Variants in PTPRC observed in about 807,000 individuals in gnomAD.
PTPRC encodes protein tyrosine phosphatase receptor type C.
In PTPRC, 44 loss-of-function variants were observed where a neutral mutation model predicts 155.9. That is an observed-to-expected ratio of 0.28 (90% CI 0.22 to 0.36). The LOEUF (loss-of-function observed/expected upper bound fraction) is 0.36. PTPRC is among the 10% of genes least tolerant of loss of function. The pLI is 1.00. For missense variants in PTPRC, 1,401 were observed against 1,564.6 expected, an observed-to-expected ratio of 0.90 and a Z score of 1.76; for synonymous variants, 525 against 533.1, an observed-to-expected ratio of 0.98 and a Z score of 0.21.
At chr1:198,649,598 A>G (rs1663131707) in intron 2 of PTPRC, among the ~76,000 whole-genome samples, 1 of 151,858 alleles carries the variant, frequency 6.6e-6, no homozygotes, top group Non-Finnish European at 1.5e-5. Flanking sequence ...CAGTTTCATC[A>G]TTGGAGACTT....
intron 23 of PTPRC, among the ~76,000 whole-genome samples, chr1:198,740,951 T>TA (rs1654873409): frequency 6.6e-6 from 1 of 151,852 alleles, no homozygotes; most frequent in South Asian, 2.1e-4. Context: ...GAAACAGACT[T>TA]AGTCTATATA....
chr1:198,738,437 T>C (rs1311508298), intron 23 of PTPRC, among the ~76,000 whole-genome samples: 6 of 151,902 alleles, frequency 3.9e-5, no homozygotes, highest in Admixed American at 3.3e-4. Context: ...TCTGTTGATA[T>C]AATGTATCAC....
rs760814696 is a variant in PTPRC at position 198,752,791 on chromosome 1, A to C, written c.3509+19A>C. ...ACTGCAGGTGCGTGGGATTTGGTAG[A>C]ATGTGCTCTCAAAATCATAATGCTT... On this transcript the variant is annotated intron_variant, in intron 31 of 32. Coordinates refer to ENST00000442510, the MANE Select transcript of PTPRC (RefSeq NM_002838.5). The C allele has an allele frequency of 1.9e-6, 3 of 1,608,670 alleles. No homozygotes were observed. Among genetic ancestry groups the C allele is most frequent in the Admixed American group, 3.3e-5 (2 of 59,814 alleles).
In PTPRC at chr1:198,731,910, A is replaced by G. The variant is rs578255234; in HGVS notation, c.1974+184A>G. On this transcript the variant is annotated intron_variant, in intron 18 of 32. Transcript: ENST00000442510. ...GACTCATAGAGGTTGACGGGATTATAGTGTAGAGCTAGTAAATATTTTAAT... is the reference window on the plus strand; with the variant it reads ...GACTCATAGAGGTTGACGGGATTATGGTGTAGAGCTAGTAAATATTTTAAT... 3.9e-5 allele frequency among the ~76,000 whole-genome samples: 6 copies of G among 152,126 alleles called. No individual in the cohort carries two copies. The East Asian group carries it at 1.2e-3, about 29-fold the overall frequency.
intron 2 of PTPRC, among the ~76,000 whole-genome samples, chr1:198,668,198 G>A (rs1479031138): frequency 6.6e-6 from 1 of 152,084 alleles, no homozygotes; most frequent in Non-Finnish European, 1.5e-5. Flanking sequence ...GTGGTATCAT[G>A]GTGTGATGTC....
chr1:198,657,247 T>C (rs1156438918), intron 2 of PTPRC, among the ~76,000 whole-genome samples: 1 of 152,034 alleles, frequency 6.6e-6, no homozygotes, highest in Non-Finnish European at 1.5e-5. Flanking sequence ...TTTTTATGTT[T>C]ATAGTTGATA....
At chr1:198,747,970 GA>G in intron 26 of PTPRC, 138 bp from the exon 27 acceptor site, 1 of 1,320,478 alleles carries the variant, frequency 7.6e-7, no homozygotes, top group Non-Finnish European at 1.0e-6. Context: ...GAGGCAAACC[GA>G]AAAATTATGG....
In PTPRC at chr1:198,757,396, T is replaced by C. The variant is rs1343261020; in HGVS notation, c.*1215T>C. 2 of 151,308 alleles carry C rather than the reference T, an allele frequency of 1.3e-5. No individual in the cohort carries two copies. The highest frequency in any genetic ancestry group is 1.9e-4 in the East Asian group (1 of 5,168). 9.4% of individuals were successfully genotyped at this position (151,308 alleles called of 1,614,324 possible). A position where few individuals can be genotyped will look rare whatever the true frequency, so the allele number is the denominator to read the frequency against. On this transcript the variant is annotated 3_prime_UTR_variant, in exon 33 of 33. Transcript: ENST00000442510. ...TACAGGCCCCAATTATCCAATAGTC[T>C]AATAATTGTTTAAGATCTAGAAAAA...
intron 10 of PTPRC, 33 bp from the exon 11 acceptor site, chr1:198,709,654 G>T: frequency 6.8e-7 from 1 of 1,480,794 alleles, no homozygotes; most frequent in East Asian, 2.3e-5. Flanking sequence ...ATATTGCATC[G>T]ATATATTCAT....
intron 2 of PTPRC, among the ~76,000 whole-genome samples, chr1:198,655,442 T>A (rs1364192983): frequency 1.3e-5 from 2 of 152,074 alleles, no homozygotes; most frequent in African/African-American, 4.8e-5. Context: ...ATGAGGGAAC[T>A]TGGTCTAGAA....
intron 2 of PTPRC, among the ~76,000 whole-genome samples, chr1:198,681,279 T>C (rs754722634): frequency 5.1e-4 from 77 of 152,240 alleles, no homozygotes; most frequent in Non-Finnish European, 1.0e-3. Context: ...GATAGGAATA[T>C]ACAGCATGGA....
chr1:198,675,222 A>G (rs1664884635), intron 2 of PTPRC, among the ~76,000 whole-genome samples: 1 of 152,184 alleles, frequency 6.6e-6, no homozygotes, highest in Non-Finnish European at 1.5e-5. Flanking sequence ...TAGAATAATA[A>G]TTGTATTCTT....
At chr1:198,685,981 G>A (rs1265445040) in intron 2 of PTPRC, among the ~76,000 whole-genome samples, 4 of 151,482 alleles carry the variant, frequency 2.6e-5, no homozygotes, top group Admixed American at 6.6e-5. Flanking sequence ...GAGGGAGAAC[G>A]GGTGATATTT....
rs551674373 is a variant in PTPRC, at chr1:198,741,937, G to T, written c.2472G>T (p.Val824=). 1 of 1,612,120 alleles carries T rather than the reference G, an allele frequency of 6.2e-7. No homozygotes were observed. Among genetic ancestry groups the T allele is most frequent in the Non-Finnish European group, 8.5e-7 (1 of 1,178,998 alleles). Residue 824 remains valine (V), a synonymous_variant, in exon 24 of 33, where the codon GTG becomes GTT. Coordinates refer to ENST00000442510, the MANE Select transcript of PTPRC (RefSeq NM_002838.5). ...IQFTSWPDHG[V]PEDPHLLLKL... ...TCACCAGCTGGCCAGACCACGGGGT[G>T]CCTGAGGATCCTCACTTGCTCCTCA...
intron 5 of PTPRC, chr1:198,700,108 A>T (rs1666393844): frequency 4.5e-6 from 1 of 224,588 alleles, no homozygotes. Context: ...GGGCAGTGAG[A>T]AATTGTAACC....
chr1:198,684,603 G>A (rs1665516388), intron 2 of PTPRC, among the ~76,000 whole-genome samples: 3 of 151,710 alleles, frequency 2.0e-5, no homozygotes, highest in Non-Finnish European at 2.9e-5. Context: ...TTGCTCCCAC[G>A]ACTCTCCCCT....
chr1:198,651,929 A>T (rs1017592303), intron 2 of PTPRC, among the ~76,000 whole-genome samples: 1 of 151,810 alleles, frequency 6.6e-6, no homozygotes, highest in African/African-American at 2.4e-5. Context: ...TCAGCCTCAG[A>T]TTTGTTTCTA....
intron 12 of PTPRC, among the ~76,000 whole-genome samples, chr1:198,715,548 A>G (rs1028089186): frequency 6.6e-6 from 1 of 152,046 alleles, no homozygotes; most frequent in Non-Finnish European, 1.5e-5. Flanking sequence ...GATTTAAAGG[A>G]TTATTTTTCA....
At chr1:198,668,118 C>A (rs969435185) in intron 2 of PTPRC, among the ~76,000 whole-genome samples, 4 of 152,098 alleles carry the variant, frequency 2.6e-5, no homozygotes, top group African/African-American at 9.7e-5. Flanking sequence ...CATTGGACAA[C>A]CAGCAAAAAC....
Sources: allele counts gnomAD v4.1 joint callset (sites outside exome capture counted in the v4.1 genomes callset), GRCh38; gene constraint gnomAD v4.1.1; transcripts MANE v1.5; gene names NCBI Gene and HGNC (gene_info 2026-07-23, HGNC 2026-07-21).